Variants in C11orf65 observed in about 807,000 individuals in gnomAD.
C11orf65 encodes protein MFI.
In C11orf65, 38 loss-of-function variants were observed where a neutral mutation model predicts 35.3. That is an observed-to-expected ratio of 1.08 (90% CI 0.83 to 1.41). The LOEUF (loss-of-function observed/expected upper bound fraction) is 1.41. Among genes scored for constraint, C11orf65 ranks in the 40% most tolerant of loss-of-function variants. The pLI is 0.00. For missense variants in C11orf65, 370 were observed against 367.1 expected (o/e 1.01, Z -0.06); for synonymous variants, 105 against 114.4 (o/e 0.92, Z 0.53).
At chr11:108,445,472 G>A (rs946372591) in intron 2 of C11orf65, among the ~76,000 whole-genome samples, 5 of 152,116 alleles carry the variant, frequency 3.3e-5, no homozygotes, top group African/African-American at 4.8e-5. Flanking sequence ...TATAGCCACC[G>A]CTGTTCTGCA....
chr11:108,354,663 T>G (rs1399456338), intron 2 of C11orf65: 1 of 763,906 alleles, frequency 1.3e-6, no homozygotes, highest in African/African-American at 1.7e-5. Context: ...GAAAGCCCAC[T>G]CTGCCAAGTA....
chr11:108,325,389 A>C lies in C11orf65; in HGVS notation c.641-16318T>G, dbSNP rs749261367. On this transcript the variant is annotated intron_variant, in intron 6 of 6. Transcript: ENST00000525729. ...CCAGCTTCTCAAGGACAGTGATTTT[A>C]GTTTTCAGGAGCCTATCATGGCTCT... is the stretch of plus-strand genomic sequence containing the variant. The C allele has an allele frequency of 6.2e-6, 10 of 1,613,374 alleles. No individual in the cohort carries two copies. The highest frequency in any genetic ancestry group is 4.4e-5 in the South Asian group (4 of 91,054).
chr11:108,457,350 T>G (rs1315945927), intron 2 of C11orf65, among the ~76,000 whole-genome samples: 1 of 151,952 alleles, frequency 6.6e-6, no homozygotes, highest in Non-Finnish European at 1.5e-5. Context: ...ACAATAAAAA[T>G]AGTTAAAAAT....
In C11orf65 at chr11:108,325,515, A is replaced by T; in HGVS notation, c.641-16444T>A. On this transcript the variant is annotated intron_variant, in intron 6 of 6. Coordinates refer to the C11orf65 transcript ENST00000525729. ...CACCAAACACCTTGTAGAACTCTCT[A>T]TACTGGCCAGAACTTTCAAGAACAC... The T allele has an allele frequency of 1.9e-6, 3 of 1,611,716 alleles. No individual in the cohort carries two copies. Among genetic ancestry groups the T allele is most frequent in the Non-Finnish European group, 2.5e-6 (3 of 1,178,810 alleles).
chr11:108,469,343 A>G (rs1456729923), upstream of C11orf65, among the ~76,000 whole-genome samples: 2 of 151,978 alleles, frequency 1.3e-5, no homozygotes, highest in African/African-American at 2.4e-5. Context: ...AAAATTTTAA[A>G]TTAAAAAACT....
intron 7 of C11orf65, among the ~76,000 whole-genome samples, chr11:108,392,200 G>T (rs965644771): frequency 6.6e-6 from 1 of 151,984 alleles, no homozygotes; most frequent in South Asian, 2.1e-4. Context: ...TTATGCACCA[G>T]CAGGCCTGGG....
At chr11:108,433,968 T>C (rs1473447601) in intron 2 of C11orf65, among the ~76,000 whole-genome samples, 1 of 152,096 alleles carries the variant, frequency 6.6e-6, no homozygotes, top group African/African-American at 2.4e-5. Context: ...GGAAAGAACA[T>C]GGTTAGAAAA....
chr11:108,441,377 T>C (rs908422911), intron 2 of C11orf65, among the ~76,000 whole-genome samples: 6 of 152,230 alleles, frequency 3.9e-5, no homozygotes, highest in Non-Finnish European at 8.8e-5. Flanking sequence ...CCTGCCTCTG[T>C]AGACTCCACC....
chr11:108,456,034 A>G (rs956416568), intron 2 of C11orf65, among the ~76,000 whole-genome samples: 8 of 151,900 alleles, frequency 5.3e-5, no homozygotes, highest in African/African-American at 2.4e-5. Flanking sequence ...CCATGCCTGT[A>G]GTCCCAGCTA....
At chr11:108,448,584 A>C (rs1307101307) in intron 2 of C11orf65, among the ~76,000 whole-genome samples, 1 of 152,152 alleles carries the variant, frequency 6.6e-6, no homozygotes, top group South Asian at 2.1e-4. Flanking sequence ...AAATTCAACA[A>C]CCCTTCATGC....
intron 6 of C11orf65, among the ~76,000 whole-genome samples, chr11:108,319,381 C>G (rs2085022592): frequency 6.6e-6 from 1 of 152,170 alleles, no homozygotes; most frequent in South Asian, 2.1e-4. Context: ...TCAGGCCAAG[C>G]TGTTTCTATC....
At chr11:108,336,819 A>G (rs926943820) in intron 2 of C11orf65, among the ~76,000 whole-genome samples, 4 of 152,214 alleles carry the variant, frequency 2.6e-5, no homozygotes, top group Admixed American at 2.6e-4. Flanking sequence ...GTCACATTCT[A>G]TGAGCTGATC....
chr11:108,314,232 C>T (rs2084413327), intron 6 of C11orf65, among the ~76,000 whole-genome samples: 1 of 152,122 alleles, frequency 6.6e-6, no homozygotes, highest in African/African-American at 2.4e-5. Context: ...CCTCCAACCT[C>T]AGCCTCACAA....
At chr11:108,390,427 T>C (rs894176490) in intron 7 of C11orf65, among the ~76,000 whole-genome samples, 1 of 152,198 alleles carries the variant, frequency 6.6e-6, no homozygotes, top group Non-Finnish European at 1.5e-5. Context: ...TATTTTTTCT[T>C]CCCTTTGAAC....
chr11:108,374,501 A>G (rs987467976), intron 2 of C11orf65, among the ~76,000 whole-genome samples: 4 of 152,320 alleles, frequency 2.6e-5, no homozygotes, highest in African/African-American at 7.2e-5. Flanking sequence ...CACCATCATC[A>G]AAGACCAAAA....
At chr11:108,452,221 C>G (rs966997081) in intron 2 of C11orf65, among the ~76,000 whole-genome samples, 8 of 152,062 alleles carry the variant, frequency 5.3e-5, no homozygotes, top group Non-Finnish European at 1.0e-4. Context: ...AACAGGCAAC[C>G]TACAGAATGG....
chr11:108,397,475 A>T (rs2092343602), intron 6 of C11orf65, among the ~76,000 whole-genome samples: 1 of 152,228 alleles, frequency 6.6e-6, no homozygotes, highest in Non-Finnish European at 1.5e-5. Flanking sequence ...ATGTCACAAC[A>T]GAGAGAGAAG....
In C11orf65 at chr11:108,407,162, A is replaced by G. The variant is rs552109959; in HGVS notation, c.175-13T>C. 5 of 1,554,476 alleles carry G rather than the reference A, an allele frequency of 3.2e-6. No individual in the cohort carries two copies. In the South Asian group the frequency reaches 4.7e-5, roughly 15 times the overall value. ...CTAGAAGCTCTGCCTATAAGAAAAT[A>G]TATTATTCTTATATATTATTCTTCA... On this transcript the variant is annotated splice_polypyrimidine_tract_variant and intron_variant, in intron 3 of 8. Coordinates refer to ENST00000393084, the MANE Select transcript of C11orf65 (RefSeq NM_152587.5).
chr11:108,456,804 A>G (rs1489474425), intron 2 of C11orf65, among the ~76,000 whole-genome samples: 1 of 145,416 alleles, frequency 6.9e-6, no homozygotes, highest in Non-Finnish European at 1.5e-5. Context: ...AAAGAAAGAA[A>G]GGAAAGAAGG....
Sources: allele counts gnomAD v4.1 joint callset (sites outside exome capture counted in the v4.1 genomes callset), GRCh38; gene constraint gnomAD v4.1.1; transcripts MANE v1.5; gene names NCBI Gene and HGNC (gene_info 2026-07-23, HGNC 2026-07-21).